The following ZFP30 variants were observed in gnomAD, a reference collection of about 807,000 sequenced individuals.
ZFP30 encodes zinc finger protein 30 homolog.
A neutral mutation model predicts 12.3 loss-of-function variants in ZFP30; 16 were observed. That is an observed-to-expected ratio of 1.30 (90% CI 0.88 to 1.98). ZFP30 has a LOEUF of 1.98. Ranked by LOEUF, ZFP30 falls within the 30% of genes most tolerant of loss-of-function variation. The pLI is 0.00. For missense variants in ZFP30, 560 were observed against 611.2 expected, an observed-to-expected ratio of 0.92 and a Z score of 0.88; for synonymous variants, 172 against 201.0, an observed-to-expected ratio of 0.86 and a Z score of 1.22.
chr19:37,652,572 A>T (rs2044672923), intron 2 of ZFP30, among the ~76,000 whole-genome samples: 2 of 152,160 alleles, frequency 1.3e-5, no homozygotes, highest in South Asian at 2.1e-4. Flanking sequence ...CCACCTCAAA[A>T]AAATAAATAA....
Position 37,633,224 on chromosome 19 carries a change from G to C in ZFP30, c.*1757C>G, listed in dbSNP as rs1349286799. 1 of 151,182 alleles carries C rather than the reference G, an allele frequency of 6.6e-6. No homozygotes were observed. Among genetic ancestry groups the C allele is most frequent in the Admixed American group, 6.6e-5 (1 of 15,192 alleles). 9.4% of individuals were successfully genotyped at this position (151,182 alleles called of 1,614,324 possible). ...ATGGGTACTATAATATAGAGATAGA[G>C]AGGTCAACTAAATAAAATGTGGACC... On this transcript the variant is annotated 3_prime_UTR_variant, in exon 6 of 6. Transcript: ENST00000684514.
In ZFP30 at chr19:37,635,320, C is replaced by A. The variant is rs138494079; in HGVS notation, c.1221G>T (p.Glu407Asp). 69 of 1,614,036 alleles carry A rather than the reference C, an allele frequency of 4.3e-5. No homozygotes were observed. The Admixed American group carries it at 5.2e-4, about 12-fold the overall frequency. ...CACATTCCTTACATTCATAAGGTTT[C>A]TCTCCAATGTGAATACCCTGATGTG... ...LISHQGIHIG[E>D]KPYECKECGK... Residue 407 changes from glutamate (E) to aspartate (D), a missense_variant, in exon 6 of 6, where the codon GAG (glutamate) becomes GAT (aspartate). Coordinates refer to ENST00000684514, the MANE Select transcript of ZFP30 (RefSeq NM_001320669.3).
chr19:37,645,585 C>A (rs1256517670), intron 3 of ZFP30, among the ~76,000 whole-genome samples: 3 of 149,562 alleles, frequency 2.0e-5, no homozygotes, highest in Non-Finnish European at 4.4e-5. Context: ...ATGGCCAAAA[C>A]TTCCTACGTA....
Position 37,636,061 on chromosome 19 carries a change from A to G in ZFP30, c.480T>C (p.Cys160=). 1 of 1,614,132 alleles carries G rather than the reference A, an allele frequency of 6.2e-7. No homozygotes were observed. The highest frequency in any genetic ancestry group is 8.5e-7 in the Non-Finnish European group (1 of 1,180,020). The change falls in exon 6 of 6, where the codon TGT becomes TGC. Residue 160 remains cysteine, a synonymous_variant. Transcript: ENST00000684514. ...KSHNREKPYE[C]GECGKAFRVR... is the part of the protein sequence containing the mutation. ...CTCTAAAAGCCTTCCCACATTCCCC[A>G]CATTCGTAGGGTTTCTCTCTGTTAT...
chr19:37,649,800 G>A (rs975599265), intron 2 of ZFP30, among the ~76,000 whole-genome samples: 1 of 150,472 alleles, frequency 6.6e-6, no homozygotes, highest in Non-Finnish European at 1.5e-5. Context: ...CTCCAGCCTG[G>A]GCAATAGAGT....
At chr19:37,639,948 G>A (rs745897432) in intron 5 of ZFP30, among the ~76,000 whole-genome samples, 6 of 152,158 alleles carry the variant, frequency 3.9e-5, no homozygotes, top group Admixed American at 2.0e-4. Flanking sequence ...TGAGCTGTAC[G>A]CTACCAAATA....
Position 37,644,641 on chromosome 19 carries a change from T to C in ZFP30, c.105A>G (p.Ile35Met), listed in dbSNP as rs2044503913. 1 of 1,611,214 alleles carries C rather than the reference T, an allele frequency of 6.2e-7. No individual in the cohort carries two copies. Among genetic ancestry groups the C allele is most frequent in the South Asian group, 1.1e-5 (1 of 90,484 alleles). Reference protein sequence around the residue: ...SYQRNLYRDVILENYSNLVSL... With the variant: ...SYQRNLYRDVMLENYSNLVSL... ...ACACCAAGTTGCTATAGTTCTCTAA[T>C]ATCACATCTCTGTACAAATTCCTCT... The change falls in exon 4 of 6, where the codon ATA becomes ATG. Residue 35 changes from isoleucine to methionine, a missense_variant. By Grantham distance (10) the Ile-to-Met change is conservative (BLOSUM62 1). Coordinates refer to ENST00000684514, the MANE Select transcript of ZFP30 (RefSeq NM_001320669.3).
chr19:37,653,788 A>G (rs1385221523), intron 2 of ZFP30, among the ~76,000 whole-genome samples: 2 of 152,198 alleles, frequency 1.3e-5, no homozygotes, highest in Non-Finnish European at 2.9e-5. Context: ...AAAATTAACC[A>G]TTTACAAATA....
chr19:37,650,452 T>A (rs1234715744), intron 2 of ZFP30, among the ~76,000 whole-genome samples: 1 of 152,102 alleles, frequency 6.6e-6, no homozygotes, highest in Non-Finnish European at 1.5e-5. Flanking sequence ...GAACAAAAAT[T>A]CAAAACAGCT....
chr19:37,645,785 C>A (rs954721863), intron 3 of ZFP30, among the ~76,000 whole-genome samples: 14 of 151,580 alleles, frequency 9.2e-5, no homozygotes, highest in Admixed American at 8.5e-4. Context: ...TGATGGTATT[C>A]TCCCCAAAAA....
Position 37,644,630 on chromosome 19 carries a change from T to C in ZFP30, c.116A>G (p.Tyr39Cys), listed in dbSNP as rs748397426. 6.8e-6 allele frequency: 11 copies of C among 1,608,780 alleles called. No individual in the cohort carries two copies. The highest frequency in any genetic ancestry group is 1.7e-5 in the Admixed American group (1 of 59,010). Residue 39 changes from tyrosine to cysteine, a missense_variant, in exon 4 of 6, where the codon TAT becomes TGT. By Grantham distance (194) the Tyr-to-Cys change is radical. Transcript: ENST00000684514. ...CTTACCCAGTGACACCAAGTTGCTA[T>C]AGTTCTCTAATATCACATCTCTGTA... Reference protein sequence around the residue: ...NLYRDVILENYSNLVSLAGCS... With the variant: ...NLYRDVILENCSNLVSLAGCS...
Position 37,635,714 on chromosome 19 carries a change from CCA to C in ZFP30, c.825_826del (p.Cys275TrpfsTer5), listed in dbSNP as rs1393488195. 1 of 1,614,162 alleles carries C rather than the reference CCA, an allele frequency of 6.2e-7. No homozygotes were observed. The highest frequency in any genetic ancestry group is 2.2e-5 in the East Asian group (1 of 44,874). ...GTGTGCATACTGCCTAAAGGCCTTC[CCA>C]CATTCTTTACATTCATAGGGTTTCT... On this transcript the variant is annotated frameshift_variant, in exon 6 of 6. Coordinates refer to ENST00000684514, the MANE Select transcript of ZFP30 (RefSeq NM_001320669.3). LOFTEE classifies it low-confidence loss of function (END_TRUNC).
chr19:37,649,318 G>A (rs1408063495), intron 2 of ZFP30, among the ~76,000 whole-genome samples: 2 of 151,108 alleles, frequency 1.3e-5, no homozygotes, highest in African/African-American at 2.4e-5. Context: ...AAATCTACTC[G>A]TAACTAGAGA....
In ZFP30 at chr19:37,636,033, G is replaced by A. The variant is rs563719737; in HGVS notation, c.508C>T (p.Arg170Ter). The change falls in exon 6 of 6, where the codon CGA becomes TGA. Residue 170 changes from arginine to a stop codon, truncating the protein, a stop_gained. Coordinates refer to ENST00000684514, the MANE Select transcript of ZFP30 (RefSeq NM_001320669.3). LOFTEE classifies it low-confidence loss of function (END_TRUNC). ...CGECGKAFRVRQQLTFHQRIH... is the reference protein window; with the variant it reads ...CGECGKAFRV ...CTTTGATGGAAAGTAAGTTGTTGTCGTACTCTAAAAGCCTTCCCACATTCC... is the reference window on the plus strand; with the variant it reads ...CTTTGATGGAAAGTAAGTTGTTGTCATACTCTAAAAGCCTTCCCACATTCC... 26 of 1,613,606 alleles carry A rather than the reference G, an allele frequency of 1.6e-5. No homozygotes were observed. In the Admixed American group the frequency reaches 1.8e-4, roughly 11 times the overall value.
At position 37,633,083 on chromosome 19, in the gene ZFP30, A is replaced by C. The variant is rs2044259021; in HGVS notation, c.*1898T>G. ...CCACTCGGAAGTCTGAGGGAGGAGA[A>C]TGGCTTGAACCCGGGAGGCAGAGCT... On this transcript the variant is annotated 3_prime_UTR_variant, in exon 6 of 6. Coordinates refer to ENST00000684514, the MANE Select transcript of ZFP30 (RefSeq NM_001320669.3). 1 of 150,508 alleles carries C rather than the reference A, an allele frequency of 6.6e-6. No individual in the cohort carries two copies. Among genetic ancestry groups the C allele is most frequent in the African/African-American group, 2.4e-5 (1 of 41,064 alleles). 9.3% of individuals were successfully genotyped at this position (150,508 alleles called of 1,614,324 possible). A position where few individuals can be genotyped will look rare whatever the true frequency, so the allele number is the denominator to read the frequency against.
At chr19:37,639,468 G>A (rs2044393071) in intron 5 of ZFP30, among the ~76,000 whole-genome samples, 1 of 152,082 alleles carries the variant, frequency 6.6e-6, no homozygotes. Flanking sequence ...ACCATGGCTC[G>A]CACCTGTAAT....
chr19:37,655,375 A>C (rs2044735125), intron 1 of ZFP30, 45 bp downstream of exon 1: 1 of 152,624 alleles, frequency 6.6e-6, no homozygotes, highest in African/African-American at 2.4e-5. Context: ...TTCCCTCAGA[A>C]AAGCAGCGGC....
At position 37,631,513 on chromosome 19, in the gene ZFP30, C is replaced by G. The variant is rs1386906281; in HGVS notation, c.*3468G>C. 6.6e-6 allele frequency: 1 copy of G among 151,966 alleles called. No homozygotes were observed. The highest frequency in any genetic ancestry group is 1.5e-5 in the Non-Finnish European group (1 of 67,980). The allele number at this position is 151,966 out of a possible 1,614,324, so 9.4% of individuals were successfully genotyped here. A position where few individuals can be genotyped will look rare whatever the true frequency, so the allele number is the denominator to read the frequency against. ...GAACATCATGGCTTCCCAATTATAACAGCAAATACAGTTCATAATGGATGA... is the reference window on the plus strand; with the variant it reads ...GAACATCATGGCTTCCCAATTATAAGAGCAAATACAGTTCATAATGGATGA... On this transcript the variant is annotated 3_prime_UTR_variant, in exon 6 of 6. Transcript: ENST00000684514.
At chr19:37,649,083 A>C (rs1320914214) in intron 2 of ZFP30, among the ~76,000 whole-genome samples, 1 of 151,888 alleles carries the variant, frequency 6.6e-6, no homozygotes. Context: ...AACAACAAAA[A>C]AATTTTTTTA....
Sources: gnomAD v4.1 joint callset for allele counts (sites outside exome capture counted in the v4.1 genomes callset) on GRCh38, gnomAD v4.1.1 for gene constraint, MANE v1.5 for transcripts, NCBI Gene and HGNC (gene_info 2026-07-23, HGNC 2026-07-21) for gene names.